Variants in CEP112 observed in about 807,000 individuals in gnomAD.
CEP112 encodes centrosomal protein 112.
In CEP112, 127 loss-of-function variants were observed where a neutral mutation model predicts 153.0. The ratio of observed to expected loss-of-function variants is 0.83; its 90% CI spans 0.72 to 0.96. CEP112 has a LOEUF of 0.96. Ranked by LOEUF, CEP112 falls within the 40% of genes least tolerant of loss-of-function variation. The pLI is 0.00. For synonymous variants in CEP112, 358 were observed against 374.4 expected, an observed-to-expected ratio of 0.96 and a Z score of 0.51; for missense variants, 1,089 against 1,101.2, an observed-to-expected ratio of 0.99 and a Z score of 0.16.
intron 6 of CEP112, 35 bp downstream of exon 6, chr17:66,129,711 A>C (rs1438358927): frequency 1.4e-6 from 2 of 1,392,702 alleles, no homozygotes; most frequent in Non-Finnish European, 2.0e-6. Context: ...ATTTTGACAC[A>C]TCTATATATA....
chr17:65,805,480 T>C (rs2055543922), intron 21 of CEP112, among the ~76,000 whole-genome samples: 1 of 152,204 alleles, frequency 6.6e-6, no homozygotes, highest in African/African-American at 2.4e-5. Flanking sequence ...GTAGGGAATC[T>C]TTTATGTGGT....
chr17:65,696,256 AG>A (rs1253775634), intron 23 of CEP112, among the ~76,000 whole-genome samples: 1 of 152,196 alleles, frequency 6.6e-6, no homozygotes, highest in African/African-American at 2.4e-5. Flanking sequence ...AAATGCTAAT[AG>A]TGCCTGGCCT....
chr17:65,845,820 C>T (rs2057707158), intron 21 of CEP112, among the ~76,000 whole-genome samples: 1 of 152,136 alleles, frequency 6.6e-6, no homozygotes, highest in South Asian at 2.1e-4. Context: ...AAATGTCAAT[C>T]ATTTACTCTC....
At chr17:65,890,550 C>T (rs2059426429) in intron 20 of CEP112, among the ~76,000 whole-genome samples, 1 of 152,088 alleles carries the variant, frequency 6.6e-6, no homozygotes, top group Admixed American at 6.6e-5. Context: ...TTGTACTTTG[C>T]TGTAACTCTG....
chr17:65,897,365 G>A (rs1043925461), intron 20 of CEP112, among the ~76,000 whole-genome samples: 7 of 152,048 alleles, frequency 4.6e-5, no homozygotes, highest in African/African-American at 1.4e-4. Flanking sequence ...TTTAATACAG[G>A]TGTAAGTATC....
In CEP112 at chr17:65,743,214, T is replaced by G; in HGVS notation, c.2461A>C (p.Ile821Leu). The stretch of plus-strand genomic sequence containing the variant: ...GAAATGGTTGTCTGAAGTTCTGCTA[T>G]GATCTAAAATGAAAACAGCATGCTA... Reference protein sequence around the residue: ...TQKLAKSSQIIAELQTTISSL... With the variant: ...TQKLAKSSQILAELQTTISSL... The change falls in exon 23 of 27, where the codon ATA becomes CTA. Residue 821 changes from isoleucine to leucine, a missense_variant. By Grantham distance (5) the Ile-to-Leu change is conservative. Coordinates refer to ENST00000535342, the MANE Select transcript of CEP112 (RefSeq NM_001199165.4). 1 of 1,603,706 alleles carries G rather than the reference T, an allele frequency of 6.2e-7. No homozygotes were observed. The highest frequency in any genetic ancestry group is 1.3e-5 in the African/African-American group (1 of 74,526).
intron 24 of CEP112, among the ~76,000 whole-genome samples, chr17:65,651,569 G>A (rs2045777239): frequency 6.6e-6 from 1 of 152,158 alleles, no homozygotes; most frequent in African/African-American, 2.4e-5. Context: ...GTGCAGAAGT[G>A]TTCCCTTTTC....
Position 66,096,279 on chromosome 17 carries a change from T to G in CEP112, c.740A>C (p.His247Pro), listed in dbSNP as rs777274292. Residue 247 changes from histidine to proline, a missense_variant, in exon 8 of 27, where the codon CAT becomes CCT. Physicochemically the swap from His to Pro is moderately conservative, Grantham distance 77. Coordinates refer to ENST00000535342, the MANE Select transcript of CEP112 (RefSeq NM_001199165.4). ...LRKSSSFHDDHFLSRIREKEL... is the reference protein window; with the variant it reads ...LRKSSSFHDDPFLSRIREKEL... ...TTTCTCACGTATTCGAGAGAGAAAA[T>G]GATCATCATGGAAACTGCTGGATTT... 6.2e-7 allele frequency: 1 copy of G among 1,613,164 alleles called. No individual in the cohort carries two copies. Among genetic ancestry groups the G allele is most frequent in the East Asian group, 2.2e-5 (1 of 44,826 alleles).
At chr17:65,715,155 T>C (rs1290487754) in intron 23 of CEP112, among the ~76,000 whole-genome samples, 1 of 152,142 alleles carries the variant, frequency 6.6e-6, no homozygotes, top group Non-Finnish European at 1.5e-5. Context: ...GCTGACACTC[T>C]CAGTCCAATT....
intron 23 of CEP112, among the ~76,000 whole-genome samples, chr17:65,734,638 G>C (rs759847868): frequency 6.6e-6 from 1 of 152,150 alleles, no homozygotes; most frequent in African/African-American, 2.4e-5. Flanking sequence ...TTCAATGTCT[G>C]ATTTGATAGA....
chr17:66,139,591 G>A (rs890990771), intron 4 of CEP112, among the ~76,000 whole-genome samples: 2 of 152,060 alleles, frequency 1.3e-5, no homozygotes, highest in South Asian at 2.1e-4. Context: ...CCGGGTGACA[G>A]AGTGAGAATC....
At chr17:65,962,268 C>T (rs2062232275) in intron 17 of CEP112, among the ~76,000 whole-genome samples, 1 of 150,998 alleles carries the variant, frequency 6.6e-6, no homozygotes, top group African/African-American at 2.5e-5. Context: ...TGAATTATAT[C>T]TCATGTTTTT....
chr17:65,923,122 TTAAC>T (rs2060792710), intron 19 of CEP112, among the ~76,000 whole-genome samples: 1 of 152,176 alleles, frequency 6.6e-6, no homozygotes, highest in Non-Finnish European at 1.5e-5. Flanking sequence ...TAATCGGAAA[TTAAC>T]TACTTCATTT....
At chr17:65,826,236 C>CT in intron 21 of CEP112, 1 of 1,614,194 alleles carries the variant, frequency 6.2e-7, no homozygotes. Flanking sequence ...TCTCTCATCT[C>CT]TATCAGTCTC....
intron 8 of CEP112, among the ~76,000 whole-genome samples, chr17:66,075,977 G>A (rs1349653649): frequency 6.6e-6 from 1 of 152,134 alleles, no homozygotes; most frequent in East Asian, 1.9e-4. Flanking sequence ...AGACATTTCC[G>A]ACCTTACCCA....
At chr17:65,985,731 T>G (rs148309612) in intron 17 of CEP112, among the ~76,000 whole-genome samples, 344 of 152,256 alleles carry the variant, frequency 2.3e-3, no homozygotes, top group African/African-American at 8.2e-3. Flanking sequence ...CTTATTAATT[T>G]TGTAGAAAGC....
chr17:65,663,994 C>T (rs1007179393), intron 24 of CEP112, among the ~76,000 whole-genome samples: 1 of 151,980 alleles, frequency 6.6e-6, no homozygotes, highest in Non-Finnish European at 1.5e-5. Flanking sequence ...TGCAGTGAGC[C>T]GAGATCGTGC....
chr17:65,935,214 C>T (rs1592616), intron 18 of CEP112, among the ~76,000 whole-genome samples: 72,844 of 152,022 alleles, frequency 0.48, 18,453 homozygotes, highest in East Asian at 0.89. Flanking sequence ...ACTCATCAAA[C>T]GGATATAACA....
intron 19 of CEP112, among the ~76,000 whole-genome samples, chr17:65,913,281 ATCTT>A (rs2060353596): frequency 2.6e-5 from 4 of 152,328 alleles, no homozygotes; most frequent in Admixed American, 2.6e-4. Flanking sequence ...AGATGTTGGA[ATCTT>A]TCTTTTTAGT....
Sources: allele counts gnomAD v4.1 joint callset (sites outside exome capture counted in the v4.1 genomes callset), GRCh38; gene constraint gnomAD v4.1.1; transcripts MANE v1.5; gene names NCBI Gene and HGNC (gene_info 2026-07-23, HGNC 2026-07-21).